Variants in PTPRD observed in about 807,000 individuals in gnomAD.
PTPRD encodes the protein protein tyrosine phosphatase receptor type D, also known as receptor-type tyrosine-protein phosphatase delta.
In PTPRD, 34 loss-of-function variants were observed where a neutral mutation model predicts 214.5. That is an observed-to-expected ratio of 0.16 (90% CI 0.12 to 0.21). The LOEUF is 0.21. Among genes scored for constraint, PTPRD ranks in the 10% least tolerant of loss-of-function variants. PTPRD has a pLI of 1.00. For synonymous variants in PTPRD, 1,128 were observed against 845.7 expected, an observed-to-expected ratio of 1.33 and a Z score of -5.79; for missense variants, 2,545 against 2,398.7, an observed-to-expected ratio of 1.06 and a Z score of -1.27.
At chr9:9,333,082 A>G (rs999627568) in intron 9 of PTPRD, among the ~76,000 whole-genome samples, 1 of 152,016 alleles carries the variant, frequency 6.6e-6, no homozygotes, top group South Asian at 2.1e-4. Flanking sequence ...CGGGAGGGAC[A>G]TAAAGAGTAC....
At chr9:9,038,527 A>G (rs1317559684) in intron 10 of PTPRD, among the ~76,000 whole-genome samples, 1 of 151,312 alleles carries the variant, frequency 6.6e-6, no homozygotes, top group Non-Finnish European at 1.5e-5. Flanking sequence ...GGCTAATTTA[A>G]TATATGTTCA....
intron 35 of PTPRD, among the ~76,000 whole-genome samples, chr9:8,425,664 T>G (rs572975483): frequency 3.4e-5 from 5 of 145,648 alleles, no homozygotes; most frequent in Non-Finnish European, 7.8e-5. Flanking sequence ...TTGTTTTGTT[T>G]TTTTGTTTTT....
At chr9:9,322,428 A>G (rs780959349) in intron 9 of PTPRD, among the ~76,000 whole-genome samples, 20 of 152,182 alleles carry the variant, frequency 1.3e-4, no homozygotes, top group Non-Finnish European at 2.9e-4. Flanking sequence ...TAAATAACAC[A>G]TTTCCAAGTC....
intron 9 of PTPRD, among the ~76,000 whole-genome samples, chr9:9,354,234 T>A (rs971561947): frequency 1.3e-5 from 2 of 151,872 alleles, no homozygotes; most frequent in Non-Finnish European, 2.9e-5. Flanking sequence ...TAATGACTGT[T>A]CCATCATATT....
chr9:8,518,437 G>T lies in PTPRD; in HGVS notation c.962-8C>A, dbSNP rs1401462339. 1 of 1,566,590 alleles carries T rather than the reference G, an allele frequency of 6.4e-7. No individual in the cohort carries two copies. The highest frequency in any genetic ancestry group is 2.0e-5 in the Admixed American group (1 of 50,642). ...CTGGAGGTTTGGGTAAGGCTTGGATGGGGGAAGATAAAAGACAATGACTAC... is the reference window on the plus strand; with the variant it reads ...CTGGAGGTTTGGGTAAGGCTTGGATTGGGGAAGATAAAAGACAATGACTAC... On this transcript the variant is annotated splice_region_variant and splice_polypyrimidine_tract_variant and intron_variant, in intron 20 of 45. Coordinates refer to ENST00000381196, the MANE Select transcript of PTPRD (RefSeq NM_002839.4).
At chr9:9,433,249 A>T (rs144519774) in intron 8 of PTPRD, among the ~76,000 whole-genome samples, 1 of 152,294 alleles carries the variant, frequency 6.6e-6, no homozygotes, top group East Asian at 1.9e-4. Context: ...AGAAGTTTGT[A>T]TGTCATCAGG....
chr9:9,084,556 G>A (rs960487550), intron 10 of PTPRD, among the ~76,000 whole-genome samples: 2 of 151,902 alleles, frequency 1.3e-5, no homozygotes, highest in African/African-American at 2.4e-5. Flanking sequence ...TATAATAATA[G>A]TAAAAAAGTT....
At chr9:9,194,042 A>G (rs969277200) in intron 9 of PTPRD, among the ~76,000 whole-genome samples, 9 of 152,252 alleles carry the variant, frequency 5.9e-5, no homozygotes, top group African/African-American at 1.9e-4. Context: ...TTTCTGTATT[A>G]AAAATAATCT....
At chr9:9,275,819 C>CTGTGTGTG (rs879644613) in intron 9 of PTPRD, among the ~76,000 whole-genome samples, 5 of 147,326 alleles carry the variant, frequency 3.4e-5, no homozygotes, top group African/African-American at 1.2e-4. Context: ...AGCGAAACAG[C>CTGTGTGTG]TGTGTGTGTG....
chr9:8,994,138 T>A (rs1180986497), intron 11 of PTPRD, among the ~76,000 whole-genome samples: 1 of 152,100 alleles, frequency 6.6e-6, no homozygotes, highest in Non-Finnish European at 1.5e-5. Context: ...AACTTAAGGA[T>A]CTCTGTTCTA....
chr9:9,127,130 A>C (rs1010148571), intron 10 of PTPRD, among the ~76,000 whole-genome samples: 2 of 151,886 alleles, frequency 1.3e-5, no homozygotes, highest in African/African-American at 4.8e-5. Context: ...CCACACACAC[A>C]CTCAGGCTGG....
chr9:8,617,951 A>G (rs1415235839), intron 14 of PTPRD, among the ~76,000 whole-genome samples: 2 of 152,102 alleles, frequency 1.3e-5, no homozygotes, highest in Non-Finnish European at 1.5e-5. Context: ...AAAAATCACT[A>G]ACTTTGAAAC....
At chr9:10,408,375 A>G (rs2098398605) in intron 2 of PTPRD, among the ~76,000 whole-genome samples, 1 of 151,580 alleles carries the variant, frequency 6.6e-6, no homozygotes, top group Non-Finnish European at 1.5e-5. Context: ...CACTATGTCC[A>G]TGGATAGGCA....
chr9:10,057,240 C>A (rs1358719410), intron 3 of PTPRD, among the ~76,000 whole-genome samples: 1 of 152,112 alleles, frequency 6.6e-6, no homozygotes, highest in Non-Finnish European at 1.5e-5. Flanking sequence ...CAAACATTAT[C>A]TACAAACATA....
intron 11 of PTPRD, among the ~76,000 whole-genome samples, chr9:9,006,520 T>A (rs2099468548): frequency 6.6e-6 from 1 of 152,092 alleles, no homozygotes; most frequent in South Asian, 2.1e-4. Context: ...TGACTTCTTC[T>A]TAAAATGGAG....
chr9:10,216,055 A>G (rs1054346104), intron 3 of PTPRD, among the ~76,000 whole-genome samples: 10 of 152,026 alleles, frequency 6.6e-5, no homozygotes, highest in Admixed American at 5.9e-4. Flanking sequence ...ATTTTAAAAT[A>G]TGGAATTAGC....
intron 11 of PTPRD, among the ~76,000 whole-genome samples, chr9:8,833,314 G>A (rs2097336998): frequency 6.6e-6 from 1 of 152,106 alleles, no homozygotes; most frequent in African/African-American, 2.4e-5. Flanking sequence ...TCTTCAGGAT[G>A]TTTGAGCACA....
At chr9:10,172,492 G>T (rs1176565790) in intron 3 of PTPRD, among the ~76,000 whole-genome samples, 1 of 152,128 alleles carries the variant, frequency 6.6e-6, no homozygotes, top group Non-Finnish European at 1.5e-5. Flanking sequence ...ATTTGAATCT[G>T]TTCTAACATC....
intron 17 of PTPRD, chr9:8,525,243 T>A: frequency 2.9e-6 from 2 of 693,070 alleles, no homozygotes; most frequent in South Asian, 1.6e-5. Flanking sequence ...TCATCAATGC[T>A]AGCATTAGAA....
Sources: allele counts gnomAD v4.1 joint callset (sites outside exome capture counted in the v4.1 genomes callset), GRCh38; gene constraint gnomAD v4.1.1; transcripts MANE v1.5; gene names NCBI Gene and HGNC (gene_info 2026-07-23, HGNC 2026-07-21).